Variants in KAZN observed in about 807,000 individuals in gnomAD.
The protein encoded by KAZN is kazrin.
In KAZN, 40 loss-of-function variants were observed where a neutral mutation model predicts 87.4. That is an observed-to-expected ratio of 0.46 (90% CI 0.36 to 0.60). KAZN has a LOEUF of 0.60. KAZN is among the 20% of genes least tolerant of loss of function. The pLI is 0.00. For missense variants in KAZN, 898 were observed against 1,073.9 expected (o/e 0.84, Z 2.29); for synonymous variants, 466 against 458.3 (o/e 1.02, Z -0.22).
chr1:15,109,472 T>C (rs1402540692), intron 13 of KAZN, among the ~76,000 whole-genome samples: 1 of 152,148 alleles, frequency 6.6e-6, no homozygotes, highest in Non-Finnish European at 1.5e-5. Context: ...ATGGAGGGAA[T>C]AGCTGAGCAG....
At chr1:13,988,702 G>C (rs1017173738) in intron 1 of KAZN, among the ~76,000 whole-genome samples, 5 of 152,178 alleles carry the variant, frequency 3.3e-5, no homozygotes, top group African/African-American at 1.2e-4. Context: ...GGCTTGGTGA[G>C]CATGTAACAA....
intron 1 of KAZN, among the ~76,000 whole-genome samples, chr1:14,910,664 G>A (rs573565687): frequency 6.6e-5 from 10 of 152,284 alleles, no homozygotes; most frequent in Admixed American, 3.9e-4. Context: ...ACGCTGCAGA[G>A]GAGGGCTCAA....
chr1:14,424,722 G>A (rs984843570), intron 2 of KAZN, among the ~76,000 whole-genome samples: 3 of 152,118 alleles, frequency 2.0e-5, no homozygotes, highest in East Asian at 1.9e-4. Flanking sequence ...ATCTAACTAC[G>A]CTTCAACAGC....
chr1:14,586,642 G>A (rs1020563685), intron 2 of KAZN, among the ~76,000 whole-genome samples: 1 of 150,414 alleles, frequency 6.6e-6, no homozygotes, highest in East Asian at 2.0e-4. Context: ...GTGACCCTCC[G>A]GCTTTGGCCT....
In KAZN at chr1:14,133,378, AAAGAAAG is replaced by A. The variant is rs1427379116; in HGVS notation, c.92-47054_92-47048del. Among the ~76,000 whole-genome samples the A allele has an allele frequency of 8.2e-3, 184 of 22,480 alleles. 1 individual carries two copies. The highest frequency in any genetic ancestry group is 0.042 in the Middle Eastern group (1 of 24). The allele number at this position is 22,480 out of a possible 152,430, so 14.7% of individuals were successfully genotyped here. Reference sequence around the variant, plus strand: ...GAGACTCCCTCTCAAAAAAAAAAAAAAAGAAAGAAAGAAAGAAAGAAAGAAAGAAAGA... The same window carrying A: ...GAGACTCCCTCTCAAAAAAAAAAAAAAAAGAAAGAAAGAAAGAAAGAAAGA... On this transcript the variant is annotated intron_variant, in intron 1 of 16. Transcript: ENST00000636203.
intron 1 of KAZN, among the ~76,000 whole-genome samples, chr1:13,923,822 G>A (rs186761728): frequency 3.3e-5 from 5 of 152,222 alleles, no homozygotes; most frequent in Admixed American, 2.6e-4. Flanking sequence ...GCAGTTCAAA[G>A]CTGTGTTGTT....
At chr1:13,934,092 C>T (rs567919358) in intron 1 of KAZN, among the ~76,000 whole-genome samples, 2 of 152,204 alleles carry the variant, frequency 1.3e-5, no homozygotes, top group African/African-American at 4.8e-5. Context: ...ATAGATATTT[C>T]TCTCCCTGGG....
chr1:14,438,502 G>A (rs1666527260), intron 2 of KAZN, among the ~76,000 whole-genome samples: 1 of 152,210 alleles, frequency 6.6e-6, no homozygotes, highest in South Asian at 2.1e-4. Flanking sequence ...GGTATCTGGG[G>A]GAAGAACATT....
At chr1:14,764,765 G>C (rs1644843450) in intron 1 of KAZN, among the ~76,000 whole-genome samples, 1 of 152,088 alleles carries the variant, frequency 6.6e-6, no homozygotes, top group Non-Finnish European at 1.5e-5. Flanking sequence ...CACCAGGCTG[G>C]GTATAGAAAC....
intron 5 of KAZN, among the ~76,000 whole-genome samples, chr1:15,059,102 CTT>C (rs1211831810): frequency 1.4e-4 from 20 of 140,262 alleles, no homozygotes; most frequent in South Asian, 2.3e-4. Flanking sequence ...AAAACAGGCA[CTT>C]TTTTTTTTTT....
intron 2 of KAZN, among the ~76,000 whole-genome samples, chr1:14,201,489 C>G (rs1308278385): frequency 1.3e-5 from 2 of 152,312 alleles, no homozygotes; most frequent in African/African-American, 2.4e-5. Context: ...CTCCCCAGGT[C>G]AAACCACCTA....
At chr1:14,946,655 G>A (rs1302434248) in intron 1 of KAZN, among the ~76,000 whole-genome samples, 3 of 152,180 alleles carry the variant, frequency 2.0e-5, no homozygotes, top group Admixed American at 6.5e-5. Flanking sequence ...TGATGGCGAC[G>A]TCTAGGAGAG....
chr1:14,118,523 C>G (rs1205721429), intron 1 of KAZN, among the ~76,000 whole-genome samples: 1 of 152,160 alleles, frequency 6.6e-6, no homozygotes, highest in Non-Finnish European at 1.5e-5. Flanking sequence ...ACTGTACATT[C>G]CTGAAAAAAC....
At chr1:14,385,611 A>T (rs1661805738) in intron 2 of KAZN, among the ~76,000 whole-genome samples, 1 of 152,092 alleles carries the variant, frequency 6.6e-6, no homozygotes, top group African/African-American at 2.4e-5. Context: ...GTTTCCATGT[A>T]GTTGAGCGGT....
At chr1:14,424,750 A>G (rs948717171) in intron 2 of KAZN, among the ~76,000 whole-genome samples, 1 of 152,268 alleles carries the variant, frequency 6.6e-6, no homozygotes, top group Non-Finnish European at 1.5e-5. Flanking sequence ...AGTTATTCCT[A>G]TCTCCTACAT....
At chr1:14,128,717 G>A (rs906267408) in intron 1 of KAZN, among the ~76,000 whole-genome samples, 4 of 152,058 alleles carry the variant, frequency 2.6e-5, no homozygotes, top group African/African-American at 9.7e-5. Context: ...ATGAATTTGG[G>A]GGGTGAGGAG....
rs757830663 is a variant in KAZN at position 15,034,798 on chromosome 1, G to A, written c.468G>A (p.Val156=). 2 of 1,614,022 alleles carry A rather than the reference G, an allele frequency of 1.2e-6. No homozygotes were observed. The highest frequency in any genetic ancestry group is 1.7e-6 in the Non-Finnish European group (2 of 1,180,026). Residue 156 remains valine (V), a synonymous_variant, in exon 3 of 15, where the codon GTG becomes GTA. Transcript: ENST00000376030. ...TAAAGGGCGAGAAGACAGACCTGGT[G>A]AGCCAGATGCAGCAGCTGTATGCCA... ...KRLKGEKTDL[V]SQMQQLYATL...
At chr1:13,955,935 C>T (rs1447433023) in intron 1 of KAZN, among the ~76,000 whole-genome samples, 1 of 152,114 alleles carries the variant, frequency 6.6e-6, no homozygotes, top group Non-Finnish European at 1.5e-5. Flanking sequence ...AGAGTCACGC[C>T]AGTCATTCTA....
At chr1:14,146,875 G>GA (rs1304825538) in intron 1 of KAZN, among the ~76,000 whole-genome samples, 3 of 151,874 alleles carry the variant, frequency 2.0e-5, no homozygotes, top group Non-Finnish European at 4.4e-5. Flanking sequence ...TGGGAGATAT[G>GA]GTTGATCCTT....
Sources: gnomAD v4.1 joint callset for allele counts (sites outside exome capture counted in the v4.1 genomes callset) on GRCh38, gnomAD v4.1.1 for gene constraint, MANE v1.5 for transcripts, NCBI Gene and HGNC (gene_info 2026-07-23, HGNC 2026-07-21) for gene names.